NFIB: variants seen among roughly 807,000 people sequenced by gnomAD.
The protein encoded by NFIB is nuclear factor 1 B-type.
NFIB carries 11 observed loss-of-function variants against 61.5 expected under a neutral mutation model. That is an observed-to-expected ratio of 0.18 (90% confidence interval 0.11 to 0.30). NFIB has a LOEUF of 0.30. Among genes scored for constraint, NFIB ranks in the 10% least tolerant of loss-of-function variants. The pLI, the probability that NFIB is intolerant of heterozygous loss-of-function variation, is 1.00. For missense variants in NFIB, 471 were observed against 608.9 expected, an observed-to-expected ratio of 0.77 and a Z score of 2.38; for synonymous variants, 260 against 216.5, an observed-to-expected ratio of 1.20 and a Z score of -1.76.
At chr9:14,180,574 A>G (rs2046652701) in intron 2 of NFIB, 1 of 152,188 alleles carries the variant, frequency 6.6e-6, no homozygotes, top group African/African-American at 2.4e-5. Context: ...CTGATCTGAC[A>G]CTGTTGTGTT....
At chr9:14,467,509 G>C in the NFIB span, among the ~76,000 whole-genome samples, 1 of 152,288 alleles carries the variant, frequency 6.6e-6, no homozygotes, top group Admixed American at 6.5e-5. Flanking sequence ...CTCATTAACA[G>C]CTCTTACTGG....
the NFIB span, among the ~76,000 whole-genome samples, chr9:14,458,892 T>C: frequency 6.6e-6 from 1 of 151,566 alleles, no homozygotes; most frequent in African/African-American, 2.4e-5. Flanking sequence ...GGAAGAATAT[T>C]CCATGCTCAT....
At chr9:14,375,594 G>A (rs1328306615) in intron 1 of NFIB, among the ~76,000 whole-genome samples, 1 of 152,040 alleles carries the variant, frequency 6.6e-6, no homozygotes, top group African/African-American at 2.4e-5. Context: ...GAAGGTGGAG[G>A]TTGCAGTGAG....
chr9:14,175,735 A>T (rs1372579464), intron 3 of NFIB, among the ~76,000 whole-genome samples: 1 of 152,192 alleles, frequency 6.6e-6, no homozygotes, highest in Non-Finnish European at 1.5e-5. Flanking sequence ...AGTCCATGTT[A>T]TTCCCGGTAA....
chr9:14,251,242 C>T (rs906715293), intron 2 of NFIB, among the ~76,000 whole-genome samples: 39 of 152,278 alleles, frequency 2.6e-4, no homozygotes, highest in African/African-American at 9.4e-4. Context: ...TAGAACCTCC[C>T]TCCAAGCTTT....
intron 2 of NFIB, among the ~76,000 whole-genome samples, chr9:14,224,533 C>A (rs541270668): frequency 5.9e-5 from 9 of 152,192 alleles, no homozygotes; most frequent in Non-Finnish European, 1.3e-4. Context: ...AAAAATTCCA[C>A]AAACTTACAA....
At chr9:14,312,178 T>C (rs1244498096) in intron 1 of NFIB, among the ~76,000 whole-genome samples, 1 of 152,238 alleles carries the variant, frequency 6.6e-6, no homozygotes, top group Non-Finnish European at 1.5e-5. Flanking sequence ...CTGTATCCAA[T>C]CACTGAATAA....
intron 2 of NFIB, among the ~76,000 whole-genome samples, chr9:14,239,616 T>TA (rs1370784851): frequency 2.6e-5 from 4 of 152,190 alleles, no homozygotes; most frequent in Non-Finnish European, 5.9e-5. Flanking sequence ...AACTTAAAGA[T>TA]ACATAAACAT....
chr9:14,218,215 G>T (rs1223495419), intron 2 of NFIB, among the ~76,000 whole-genome samples: 1 of 152,176 alleles, frequency 6.6e-6, no homozygotes, highest in Admixed American at 6.5e-5. Flanking sequence ...AGGAAATAGG[G>T]ACAGACATTA....
chr9:14,116,167 A>G (rs751112333), intron 9 of NFIB, 41 bp downstream of exon 9: 8 of 1,455,088 alleles, frequency 5.5e-6, no homozygotes, highest in South Asian at 1.4e-5. Context: ...CTCATTTCCT[A>G]TGGAAATACT....
At chr9:14,153,013 CAAA>C (rs1465124752) in intron 4 of NFIB, among the ~76,000 whole-genome samples, 1 of 151,344 alleles carries the variant, frequency 6.6e-6, no homozygotes, top group Non-Finnish European at 1.5e-5. Flanking sequence ...TTTAAAATAG[CAAA>C]AAAAGAAGAT....
intron 2 of NFIB, among the ~76,000 whole-genome samples, chr9:14,256,215 T>A (rs997191392): frequency 1.3e-5 from 2 of 152,118 alleles, no homozygotes; most frequent in African/African-American, 4.8e-5. Flanking sequence ...TCCAGAGAGA[T>A]TGAATTTCAG....
At chr9:14,089,648 C>T (rs941475280) in intron 10 of NFIB, among the ~76,000 whole-genome samples, 1 of 152,138 alleles carries the variant, frequency 6.6e-6, no homozygotes, top group Admixed American at 6.5e-5. Context: ...TGGAAACATA[C>T]TTTCGAGGTT....
At chr9:14,394,950 T>TTGA (rs1351010825) in intron 1 of NFIB, among the ~76,000 whole-genome samples, 2 of 152,246 alleles carry the variant, frequency 1.3e-5, no homozygotes, top group East Asian at 3.9e-4. Context: ...TATTATTATA[T>TTGA]TGATTACAAG....
At chr9:14,141,253 A>G (rs781513995) in intron 6 of NFIB, among the ~76,000 whole-genome samples, 5 of 152,206 alleles carry the variant, frequency 3.3e-5, no homozygotes, top group African/African-American at 4.8e-5. Context: ...AGACATTTAT[A>G]TAACAGAACT....
At chr9:14,225,623 G>GA (rs143543781) in intron 2 of NFIB, among the ~76,000 whole-genome samples, 10,897 of 151,912 alleles carry the variant, frequency 0.072, 1,310 homozygotes, top group African/African-American at 0.25. Flanking sequence ...GAAACAACAT[G>GA]AAAAAATCAT....
intron 7 of NFIB, 56 bp downstream of exon 7, chr9:14,125,573 AGGG>A: frequency 1.3e-6 from 2 of 1,597,844 alleles, no homozygotes. Context: ...TCCGTCCCTA[AGGG>A]GGTTAGGCCC....
rs2038757745 is a variant in NFIB at position 14,120,341 on chromosome 9, C to T, written c.1245+99G>A. ...CCTGAAGATGGATTTCAAGGCTTGA[C>T]GTTCTGCCAGACACACTGTCTGACT... On this transcript the variant is annotated intron_variant, in intron 8 of 10. Transcript: ENST00000380953. The surrounding 1 kb of genome is among the most constrained non-coding windows in gnomAD (Gnocchi z 4.4). 27 of 1,291,488 alleles carry T rather than the reference C, an allele frequency of 2.1e-5. No individual in the cohort carries two copies. The highest frequency in any genetic ancestry group is 2.6e-5 in the Non-Finnish European group (23 of 896,020). 80.0% of individuals were successfully genotyped at this position (1,291,488 alleles called of 1,614,324 possible).
upstream of NFIB, among the ~76,000 whole-genome samples, chr9:14,399,798 C>T (rs1016085623): frequency 6.6e-6 from 1 of 152,096 alleles, no homozygotes; most frequent in Admixed American, 6.5e-5. Flanking sequence ...GGTTGTATTG[C>T]TATTCTTAAT....
Sources: gnomAD v4.1 joint callset for allele counts (sites outside exome capture counted in the v4.1 genomes callset) on GRCh38, gnomAD v4.1.1 for gene constraint, Gnocchi (gnomAD v3.1) non-coding constraint, MANE v1.5 for transcripts, NCBI Gene and HGNC (gene_info 2026-07-23, HGNC 2026-07-21) for gene names.